Variants in PABPC4L observed in about 807,000 individuals in gnomAD.
The protein encoded by PABPC4L is polyadenylate-binding protein 4-like.
For synonymous variants in PABPC4L, 169 were observed against 164.1 expected (o/e 1.03, Z -0.23); for missense variants, 452 against 451.4 (o/e 1.00, Z -0.01).
At chr4:134,132,887 A>C in the PABPC4L span, among the ~76,000 whole-genome samples, 2 of 146,902 alleles carry the variant, frequency 1.4e-5, no homozygotes, top group East Asian at 2.0e-4. Context: ...ATATAAATGT[A>C]TTAAAATATT....
chr4:134,130,784 C>G, the PABPC4L span, among the ~76,000 whole-genome samples: 1 of 152,040 alleles, frequency 6.6e-6, no homozygotes, highest in Non-Finnish European at 1.5e-5. Context: ...TACTAGCTAA[C>G]TGAATCCAAC....
the PABPC4L span, among the ~76,000 whole-genome samples, chr4:134,038,937 G>C: frequency 0.52 from 78,417 of 151,868 alleles, 21,612 homozygotes; most frequent in East Asian, 0.93. Flanking sequence ...TTAGATCTTT[G>C]CTGCTTTCTC....
the PABPC4L span, among the ~76,000 whole-genome samples, chr4:133,983,746 G>T: frequency 6.6e-6 from 1 of 151,596 alleles, no homozygotes; most frequent in African/African-American, 2.4e-5. Context: ...AAGCTTTATT[G>T]CATCTTATAG....
At chr4:134,053,128 A>G in the PABPC4L span, among the ~76,000 whole-genome samples, 14 of 152,064 alleles carry the variant, frequency 9.2e-5, no homozygotes, top group Non-Finnish European at 1.9e-4. Context: ...ACCACACTAA[A>G]TAGGAACAAT....
At chr4:133,964,492 C>T in the PABPC4L span, among the ~76,000 whole-genome samples, 16 of 151,854 alleles carry the variant, frequency 1.1e-4, no homozygotes, top group African/African-American at 3.6e-4. Flanking sequence ...CCCTAATACC[C>T]AAATTAGGAA....
chr4:134,126,873 T>TG, the PABPC4L span, among the ~76,000 whole-genome samples: 1 of 152,110 alleles, frequency 6.6e-6, no homozygotes, highest in Non-Finnish European at 1.5e-5. Flanking sequence ...GCTTGTAGCC[T>TG]GGGGCAAGTT....
At chr4:134,188,597 T>G in the PABPC4L span, among the ~76,000 whole-genome samples, 2 of 152,090 alleles carry the variant, frequency 1.3e-5, no homozygotes, top group African/African-American at 4.8e-5. Flanking sequence ...GAGAAGTTGT[T>G]GTTTGTTGGT....
At chr4:134,019,221 AG>A in the PABPC4L span, among the ~76,000 whole-genome samples, 1 of 152,168 alleles carries the variant, frequency 6.6e-6, no homozygotes, top group Non-Finnish European at 1.5e-5. Context: ...ATTGGGCATT[AG>A]CATTCATTGG....
chr4:134,084,613 T>A, the PABPC4L span, among the ~76,000 whole-genome samples: 1 of 151,906 alleles, frequency 6.6e-6, no homozygotes, highest in South Asian at 2.1e-4. Context: ...CAGTTACATC[T>A]TACAGAAAAA....
the PABPC4L span, among the ~76,000 whole-genome samples, chr4:134,095,044 A>T: frequency 6.6e-6 from 1 of 151,776 alleles, no homozygotes; most frequent in Non-Finnish European, 1.5e-5. Context: ...AGTCTCTTAT[A>T]GTTTATTATT....
the PABPC4L span, among the ~76,000 whole-genome samples, chr4:134,150,766 T>C: frequency 1.1e-4 from 17 of 152,122 alleles, no homozygotes; most frequent in Admixed American, 3.9e-4. Flanking sequence ...AGCAATGGAG[T>C]TTGATTAATT....
chr4:134,176,849 C>T, the PABPC4L span, among the ~76,000 whole-genome samples: 1 of 152,084 alleles, frequency 6.6e-6, no homozygotes, highest in Non-Finnish European at 1.5e-5. Flanking sequence ...CCTGGCGCCC[C>T]CATACCCCCA....
chr4:134,152,431 C>A, the PABPC4L span, among the ~76,000 whole-genome samples: 7 of 152,152 alleles, frequency 4.6e-5, no homozygotes, highest in Non-Finnish European at 1.0e-4. Flanking sequence ...GCAGTGGCCC[C>A]ATTTCCACAG....
the PABPC4L span, among the ~76,000 whole-genome samples, chr4:134,018,043 G>A: frequency 1.2e-4 from 18 of 151,964 alleles, no homozygotes; most frequent in African/African-American, 2.4e-4. Context: ...CCAGATGGCC[G>A]GTTCCTGACT....
chr4:134,089,687 A>G, the PABPC4L span, among the ~76,000 whole-genome samples: 1 of 152,038 alleles, frequency 6.6e-6, no homozygotes, highest in Non-Finnish European at 1.5e-5. Flanking sequence ...TCTCCAGCCA[A>G]ACTTGAATTG....
chr4:134,095,045 G>A, the PABPC4L span, among the ~76,000 whole-genome samples: 1 of 151,666 alleles, frequency 6.6e-6, no homozygotes, highest in South Asian at 2.1e-4. Flanking sequence ...GTCTCTTATA[G>A]TTTATTATTT....
At chr4:134,100,462 T>C in the PABPC4L span, among the ~76,000 whole-genome samples, 1 of 151,644 alleles carries the variant, frequency 6.6e-6, no homozygotes. Context: ...AAAAATACGT[T>C]CATTTCACTC....
rs1224211760 is a variant in PABPC4L at position 134,198,361 on chromosome 4, T to C, written c.*1546A>G. Reference sequence around the variant, plus strand: ...AATTTTTTCATTGTCCATAATTTTTTATGGACTAAAAGATTTTCATTTTAG... The same window carrying C: ...AATTTTTTCATTGTCCATAATTTTTCATGGACTAAAAGATTTTCATTTTAG... On this transcript the variant is annotated 3_prime_UTR_variant, in exon 2 of 2. Transcript: ENST00000421491. 3.3e-5 allele frequency: 5 copies of C among 151,660 alleles called. No individual in the cohort carries two copies. Among genetic ancestry groups the C allele is most frequent in the Non-Finnish European group, 7.4e-5 (5 of 67,670 alleles). 9.4% of individuals were successfully genotyped at this position (151,660 alleles called of 1,614,324 possible).
the PABPC4L span, among the ~76,000 whole-genome samples, chr4:134,064,087 C>A: frequency 1.3e-5 from 2 of 151,840 alleles, no homozygotes; most frequent in Admixed American, 6.6e-5. Context: ...AATGAACATG[C>A]AGAACTTATT....
Sources: allele counts gnomAD v4.1 joint callset (sites outside exome capture counted in the v4.1 genomes callset), GRCh38; gene constraint gnomAD v4.1.1; transcripts MANE v1.5; gene names NCBI Gene and HGNC (gene_info 2026-07-23, HGNC 2026-07-21).